Variants in WWOX observed in about 807,000 individuals in gnomAD.
The protein encoded by WWOX is WW domain containing oxidoreductase, also known as WW domain-containing oxidoreductase.
In WWOX, 69 loss-of-function variants were observed where a neutral mutation model predicts 46.2. The observed-to-expected ratio is 1.49, with a 90% CI of 1.23 to 1.82. WWOX has a LOEUF of 1.82. WWOX is among the 40% of genes most tolerant of loss of function. The pLI is 0.00. For synonymous variants in WWOX, 359 were observed against 202.6 expected (o/e 1.77, Z -6.56); for missense variants, 919 against 542.6 (o/e 1.69, Z -6.89).
At chr16:79,100,026 T>C (rs2049159445) in intron 8 of WWOX, among the ~76,000 whole-genome samples, 1 of 152,166 alleles carries the variant, frequency 6.6e-6, no homozygotes, top group Non-Finnish European at 1.5e-5. Context: ...AAACAGTTCT[T>C]CTCTTAAAAT....
chr16:78,687,089 C>CA (rs1444698427), intron 8 of WWOX, among the ~76,000 whole-genome samples: 2 of 123,500 alleles, frequency 1.6e-5, no homozygotes, highest in East Asian at 4.4e-4. Context: ...ATTTAAAACA[C>CA]ATTTTTTTTT....
At chr16:78,664,676 G>C (rs778392013) in intron 8 of WWOX, among the ~76,000 whole-genome samples, 1 of 152,192 alleles carries the variant, frequency 6.6e-6, no homozygotes, top group African/African-American at 2.4e-5. Flanking sequence ...GACCAAGCAT[G>C]CCGAACGGCC....
intron 8 of WWOX, among the ~76,000 whole-genome samples, chr16:78,727,475 G>A (rs888356335): frequency 6.6e-6 from 1 of 152,112 alleles, no homozygotes; most frequent in African/African-American, 2.4e-5. Flanking sequence ...CCACAGAACT[G>A]CCAGGGTACG....
chr16:78,263,193 T>C (rs1293533953), intron 5 of WWOX, among the ~76,000 whole-genome samples: 2 of 152,140 alleles, frequency 1.3e-5, no homozygotes, highest in Non-Finnish European at 1.5e-5. Context: ...TGAGCCAAGA[T>C]TGCACCTCTG....
intron 8 of WWOX, among the ~76,000 whole-genome samples, chr16:79,120,026 C>T (rs1167424316): frequency 1.3e-5 from 2 of 152,162 alleles, no homozygotes; most frequent in Non-Finnish European, 2.9e-5. Flanking sequence ...AGCCCAGTGG[C>T]CGTGGCCTGG....
intron 8 of WWOX, among the ~76,000 whole-genome samples, chr16:78,776,767 G>A (rs1322814581): frequency 6.6e-6 from 1 of 152,148 alleles, no homozygotes; most frequent in Non-Finnish European, 1.5e-5. Flanking sequence ...TTACATGGCG[G>A]CAGGCAAGAG....
intron 8 of WWOX, among the ~76,000 whole-genome samples, chr16:78,927,883 C>T (rs1354982979): frequency 6.6e-6 from 1 of 152,108 alleles, no homozygotes; most frequent in Non-Finnish European, 1.5e-5. Context: ...ATGAATTATT[C>T]TTTTACCCAG....
At chr16:78,821,531 C>T (rs2051493717) in intron 8 of WWOX, among the ~76,000 whole-genome samples, 1 of 152,162 alleles carries the variant, frequency 6.6e-6, no homozygotes, top group Non-Finnish European at 1.5e-5. Flanking sequence ...GTTTGCAGTT[C>T]CTAGGAAGTT....
At chr16:78,936,737 G>A (rs1301003776) in intron 8 of WWOX, among the ~76,000 whole-genome samples, 1 of 151,960 alleles carries the variant, frequency 6.6e-6, no homozygotes, top group Non-Finnish European at 1.5e-5. Flanking sequence ...CCAGAAAATG[G>A]CTCCAGTGGA....
At chr16:78,191,606 C>T (rs569770682) in intron 5 of WWOX, among the ~76,000 whole-genome samples, 4 of 152,180 alleles carry the variant, frequency 2.6e-5, no homozygotes, top group East Asian at 3.9e-4. Context: ...TTTTCCCTCT[C>T]CTATACATGA....
intron 8 of WWOX, among the ~76,000 whole-genome samples, chr16:78,843,409 C>T (rs2052213248): frequency 6.7e-6 from 1 of 149,896 alleles, no homozygotes. Flanking sequence ...AGCCAATCGC[C>T]CATTCCTATG....
At chr16:78,799,890 T>C (rs2050840726) in intron 8 of WWOX, among the ~76,000 whole-genome samples, 1 of 152,090 alleles carries the variant, frequency 6.6e-6, no homozygotes, top group African/African-American at 2.4e-5. Context: ...TTTAGAAAAA[T>C]TTCTATGTGA....
chr16:78,320,620 C>A (rs1765109129), intron 5 of WWOX, among the ~76,000 whole-genome samples: 1 of 152,138 alleles, frequency 6.6e-6, no homozygotes, highest in African/African-American at 2.4e-5. Flanking sequence ...ATTATTCAAC[C>A]AAAGACAGCA....
At chr16:78,806,885 G>C (rs1039181134) in intron 8 of WWOX, among the ~76,000 whole-genome samples, 1 of 152,222 alleles carries the variant, frequency 6.6e-6, no homozygotes, top group African/African-American at 2.4e-5. Context: ...GTGTCCTGCA[G>C]TGGGATATTG....
intron 8 of WWOX, among the ~76,000 whole-genome samples, chr16:78,801,595 C>A (rs1348605827): frequency 2.0e-5 from 3 of 152,156 alleles, no homozygotes; most frequent in Non-Finnish European, 4.4e-5. Flanking sequence ...CCTTACTGGG[C>A]AAATTTTTGA....
At chr16:79,077,755 T>A (rs1304892673) in intron 8 of WWOX, among the ~76,000 whole-genome samples, 1 of 152,124 alleles carries the variant, frequency 6.6e-6, no homozygotes, top group Non-Finnish European at 1.5e-5. Context: ...TCCTTTTGTT[T>A]TGTTATCATT....
chr16:78,636,233 C>G (rs1056203623), intron 8 of WWOX, among the ~76,000 whole-genome samples: 2 of 152,094 alleles, frequency 1.3e-5, no homozygotes, highest in Non-Finnish European at 2.9e-5. Context: ...TTGATAGTCC[C>G]AAATGCAAGG....
intron 8 of WWOX, among the ~76,000 whole-genome samples, chr16:79,070,277 TG>T (rs1369686202): frequency 7.1e-6 from 1 of 141,842 alleles, no homozygotes; most frequent in East Asian, 1.9e-4. Context: ...GATGTGTGTG[TG>T]TGTGTGTGTG....
intron 6 of WWOX, among the ~76,000 whole-genome samples, chr16:78,422,844 TACACACAC>T (rs370327902): frequency 0.03 from 3,199 of 105,056 alleles, 102 homozygotes; most frequent in East Asian, 0.11. Context: ...TATATACATA[TACACACAC>T]ACACACACAC....
Sources: gnomAD v4.1 joint callset for allele counts (sites outside exome capture counted in the v4.1 genomes callset) on GRCh38, gnomAD v4.1.1 for gene constraint, MANE v1.5 for transcripts, NCBI Gene and HGNC (gene_info 2026-07-23, HGNC 2026-07-21) for gene names.